The following PLEKHA6 variants were observed in gnomAD, a reference collection of about 807,000 sequenced individuals.
PLEKHA6 encodes the protein pleckstrin homology domain containing A6.
Under a neutral mutation model 116.7 loss-of-function variants are expected in PLEKHA6, and 60 were observed. That is an observed-to-expected ratio of 0.51 (90% confidence interval 0.42 to 0.64). The LOEUF (loss-of-function observed/expected upper bound fraction) is 0.64, where lower values mean the gene tolerates loss of function less well. PLEKHA6 is among the 30% of genes least tolerant of loss of function. The pLI, the probability that PLEKHA6 is intolerant of heterozygous loss-of-function variation, is 0.00. For synonymous variants in PLEKHA6, 489 were observed against 556.1 expected (o/e 0.88, Z 1.70); for missense variants, 1,338 against 1,422.7 (o/e 0.94, Z 0.96).
At chr1:204,303,046 C>T (rs1670970697) in intron 1 of PLEKHA6, among the ~76,000 whole-genome samples, 2 of 152,206 alleles carry the variant, frequency 1.3e-5, no homozygotes, top group Non-Finnish European at 2.9e-5. Context: ...TTCTTTCTTT[C>T]CCCCCTCTGC....
intron 1 of PLEKHA6, among the ~76,000 whole-genome samples, chr1:204,358,674 C>A (rs1321600658): frequency 6.6e-6 from 1 of 152,060 alleles, no homozygotes; most frequent in Non-Finnish European, 1.5e-5. Flanking sequence ...TCCCTGAAGG[C>A]TGCAACCTCC....
chr1:204,326,328 C>T (rs923249368), intron 1 of PLEKHA6, among the ~76,000 whole-genome samples: 7 of 152,324 alleles, frequency 4.6e-5, no homozygotes, highest in East Asian at 1.9e-4. Context: ...CACACGGTCA[C>T]GTCTTAGCTC....
intron 1 of PLEKHA6, among the ~76,000 whole-genome samples, chr1:204,295,543 C>T (rs1461025067): frequency 6.6e-6 from 1 of 151,666 alleles, no homozygotes; most frequent in African/African-American, 2.4e-5. Flanking sequence ...TGCTGCTATC[C>T]AGCTGCATAA....
intron 1 of PLEKHA6, among the ~76,000 whole-genome samples, chr1:204,296,265 C>T (rs958453955): frequency 2.0e-5 from 3 of 152,096 alleles, no homozygotes; most frequent in Non-Finnish European, 4.4e-5. Context: ...GCGTGTGTTT[C>T]GTGGCCTCCT....
intron 14 of PLEKHA6, 84 bp from the exon 15 acceptor site, chr1:204,245,087 G>T: frequency 1.0e-6 from 1 of 960,166 alleles, no homozygotes; most frequent in Non-Finnish European, 1.4e-6. Context: ...GGAGGTGGCA[G>T]GGAGAAGCCA....
At chr1:204,328,274 G>C (rs1158976364) in intron 1 of PLEKHA6, among the ~76,000 whole-genome samples, 4 of 151,720 alleles carry the variant, frequency 2.6e-5, no homozygotes, top group Non-Finnish European at 5.9e-5. Flanking sequence ...TAGAGACGGG[G>C]TTTCTCTATG....
chr1:204,292,972 G>A (rs944371982), intron 1 of PLEKHA6, among the ~76,000 whole-genome samples: 13 of 152,040 alleles, frequency 8.6e-5, no homozygotes, highest in East Asian at 1.9e-4. Context: ...CTCCCCTCCC[G>A]CCTCTTCTCT....
chr1:204,335,414 G>T (rs1055997583), intron 1 of PLEKHA6, among the ~76,000 whole-genome samples: 1 of 152,092 alleles, frequency 6.6e-6, no homozygotes, highest in Non-Finnish European at 1.5e-5. Context: ...GCAGAGAAAG[G>T]CCCTGGAGAA....
chr1:204,312,870 T>C (rs1331766047), intron 1 of PLEKHA6, among the ~76,000 whole-genome samples: 1 of 140,062 alleles, frequency 7.1e-6, no homozygotes, highest in Non-Finnish European at 1.5e-5. Flanking sequence ...TCTTTTCTTT[T>C]CTTTTCTTTT....
At chr1:204,301,705 T>A (rs774699650) in intron 1 of PLEKHA6, among the ~76,000 whole-genome samples, 20 of 152,082 alleles carry the variant, frequency 1.3e-4, no homozygotes, top group Non-Finnish European at 2.6e-4. Flanking sequence ...GACATTAGGG[T>A]GAGAAACAAA....
intron 1 of PLEKHA6, among the ~76,000 whole-genome samples, chr1:204,344,975 A>C (rs1307878317): frequency 1.3e-5 from 2 of 152,186 alleles, no homozygotes; most frequent in African/African-American, 2.4e-5. Flanking sequence ...CCCCAAGCAT[A>C]ATGCCTGGAG....
intron 21 of PLEKHA6, among the ~76,000 whole-genome samples, chr1:204,227,128 C>A (rs996466151): frequency 6.6e-6 from 1 of 152,196 alleles, no homozygotes; most frequent in Non-Finnish European, 1.5e-5. Flanking sequence ...ATGTTCTGAG[C>A]CACGGTTCTA....
intron 1 of PLEKHA6, among the ~76,000 whole-genome samples, chr1:204,356,367 G>A (rs2103379516): frequency 6.6e-6 from 1 of 152,234 alleles, no homozygotes; most frequent in Non-Finnish European, 1.5e-5. Flanking sequence ...GAGCACAGGA[G>A]TTCAAGACCA....
At chr1:204,364,613 C>G (rs1318345816), upstream of PLEKHA6, among the ~76,000 whole-genome samples, 2 of 152,142 alleles carry the variant, frequency 1.3e-5, no homozygotes, top group Admixed American at 6.6e-5. Flanking sequence ...ACCACCAGGT[C>G]TGGAAATGTA....
At chr1:204,301,756 T>C (rs561004983) in intron 1 of PLEKHA6, among the ~76,000 whole-genome samples, 2 of 152,300 alleles carry the variant, frequency 1.3e-5, no homozygotes, top group African/African-American at 2.4e-5. Context: ...ATGTTTCTCC[T>C]GATGCTGTTT....
At chr1:204,260,903 G>C (rs746721512) in intron 7 of PLEKHA6, among the ~76,000 whole-genome samples, 6 of 152,220 alleles carry the variant, frequency 3.9e-5, no homozygotes, top group Non-Finnish European at 7.3e-5. Flanking sequence ...GGTTCAGAGA[G>C]GGTGAGTCCC....
intron 1 of PLEKHA6, among the ~76,000 whole-genome samples, chr1:204,315,828 A>G (rs1018325976): frequency 6.6e-6 from 1 of 152,236 alleles, no homozygotes; most frequent in Non-Finnish European, 1.5e-5. Flanking sequence ...AGGGGAGGCC[A>G]CAGCATGGAG....
At chr1:204,293,509 A>T (rs1669979857) in intron 1 of PLEKHA6, among the ~76,000 whole-genome samples, 1 of 152,162 alleles carries the variant, frequency 6.6e-6, no homozygotes, top group African/African-American at 2.4e-5. Flanking sequence ...TGAAATACCA[A>T]CATTTCAAAT....
At chr1:204,364,735 A>G (rs1466520626), upstream of PLEKHA6, among the ~76,000 whole-genome samples, 1 of 152,120 alleles carries the variant, frequency 6.6e-6, no homozygotes, top group Admixed American at 6.5e-5. Context: ...AGTCTAGGCT[A>G]CTGGTTCTCG....
Sources: gnomAD v4.1 joint callset for allele counts (sites outside exome capture counted in the v4.1 genomes callset) on GRCh38, gnomAD v4.1.1 for gene constraint, MANE v1.5 for transcripts, NCBI Gene and HGNC (gene_info 2026-07-23, HGNC 2026-07-21) for gene names.